The following STAM2 variants were observed in gnomAD, a reference collection of about 807,000 sequenced individuals.
STAM2 encodes signal transducing adaptor molecule 2, also known as signal transducing adapter molecule 2.
A neutral mutation model predicts 65.6 loss-of-function variants in STAM2; 51 were observed. That is an observed-to-expected ratio of 0.78 (90% confidence interval 0.62 to 0.98). The LOEUF (loss-of-function observed/expected upper bound fraction) is 0.98. Among genes scored for constraint, STAM2 ranks in the 50% least tolerant of loss-of-function variants. STAM2 has a pLI of 0.00. For missense variants in STAM2, 584 were observed against 617.8 expected (o/e 0.95, Z 0.58); for synonymous variants, 198 against 208.4 (o/e 0.95, Z 0.43).
At chr2:152,137,468 T>C (rs1042645420) in intron 7 of STAM2, among the ~76,000 whole-genome samples, 1 of 152,210 alleles carries the variant, frequency 6.6e-6, no homozygotes, top group Admixed American at 6.5e-5. Context: ...TTCTACTGGA[T>C]CATTTGTCTT....
At chr2:152,128,620 A>G (rs1689004664) in intron 11 of STAM2, among the ~76,000 whole-genome samples, 1 of 152,208 alleles carries the variant, frequency 6.6e-6, no homozygotes, top group Admixed American at 6.5e-5. Flanking sequence ...TCCCAGAGTA[A>G]TAAGGCAAAA....
At position 152,148,275 on chromosome 2, in the gene STAM2, T is replaced by A. The variant is rs779804786; in HGVS notation, c.151A>T (p.Met51Leu). ...NGAKDCLKAI[M>L]KRVNHKVPHV... is the part of the protein sequence containing the mutation. ...GGAACCTTATGATTTACCCTTTTCA[T>A]TATGGCTTTTAGGCAATCTTTCGCT... is the stretch of plus-strand genomic sequence containing the variant. The change falls in exon 3 of 14, where the codon ATG (methionine) becomes TTG (leucine). Residue 51 changes from methionine to leucine, a missense_variant. Transcript: ENST00000263904. 2 of 1,611,546 alleles carry A rather than the reference T, an allele frequency of 1.2e-6. No individual in the cohort carries two copies. The highest frequency in any genetic ancestry group is 1.7e-6 in the Non-Finnish European group (2 of 1,179,000).
rs138480161 is a variant in STAM2, at chr2:152,126,692, A to T, written c.1026-313T>A. Among the ~76,000 whole-genome samples, 315 of 147,886 alleles carry T rather than the reference A, an allele frequency of 2.1e-3. 1 individual carries two copies. Among genetic ancestry groups the T allele is most frequent in the African/African-American group, 6.9e-3 (280 of 40,438 alleles). On this transcript the variant is annotated intron_variant, in intron 11 of 13. Transcript: ENST00000263904. ...TCCACACCTAAGTAACAAAAGGACC[A>T]GAGGCTACTTCCTTTGCAAACCCCC...
At chr2:152,155,639 T>C (rs1041218278) in intron 1 of STAM2, among the ~76,000 whole-genome samples, 1 of 152,242 alleles carries the variant, frequency 6.6e-6, no homozygotes, top group African/African-American at 2.4e-5. Context: ...AAATCATATA[T>C]ATTACAGCTT....
chr2:152,166,778 T>C (rs937211659), intron 1 of STAM2, among the ~76,000 whole-genome samples: 8 of 152,216 alleles, frequency 5.3e-5, no homozygotes, highest in African/African-American at 1.9e-4. Flanking sequence ...CAGATCTTTT[T>C]TTAGAAGAGA....
At chr2:152,125,994 C>A (rs1355666194) in intron 12 of STAM2, 3 of 354,548 alleles carry the variant, frequency 8.5e-6, no homozygotes, top group African/African-American at 4.2e-5. Context: ...ATTTAATGGT[C>A]TTTTCATCCA....
In STAM2 at chr2:152,123,785, C is replaced by T. The variant is rs1688903814; in HGVS notation, c.1330G>A (p.Ala444Thr). ...ACTTACCTTAAATATGAAGTTTGAGCAGGCTGTGCTGTCACTGAGGAATTC... is the reference window on the plus strand; with the variant it reads ...ACTTACCTTAAATATGAAGTTTGAGTAGGCTGTGCTGTCACTGAGGAATTC... Reference protein sequence around the residue: ...NVNSSVTAQPAQTSYLSTGQD... With the variant: ...NVNSSVTAQPTQTSYLSTGQD... The change falls in exon 13 of 14, where the codon GCT becomes ACT. Residue 444 changes from alanine (A) to threonine (T), a missense_variant. Coordinates refer to ENST00000263904, the MANE Select transcript of STAM2 (RefSeq NM_005843.6). The T allele has an allele frequency of 6.2e-7, 1 of 1,613,844 alleles. No individual in the cohort carries two copies. The highest frequency in any genetic ancestry group is 1.7e-5 in the Admixed American group (1 of 59,964).
intron 1 of STAM2, among the ~76,000 whole-genome samples, chr2:152,153,133 C>A: frequency 6.6e-6 from 1 of 152,154 alleles, no homozygotes; most frequent in African/African-American, 2.4e-5. Flanking sequence ...ACTTTATTAA[C>A]TTTTACAAAA....
chr2:152,121,523 A>G (rs1688852686), intron 13 of STAM2, among the ~76,000 whole-genome samples: 1 of 152,152 alleles, frequency 6.6e-6, no homozygotes, highest in African/African-American at 2.4e-5. Context: ...TCCAGCACAA[A>G]GAAGTCCACC....
In STAM2 at chr2:152,150,286, T is replaced by C. The variant is rs571387529; in HGVS notation, c.41-57A>G. ...GGACACATCTCATATAACACTAAAA[T>C]ACCAGTAAAGGTCCAACAGTTAAGA... On this transcript the variant is annotated intron_variant, in intron 1 of 13. Transcript: ENST00000263904. The C allele has an allele frequency of 6.2e-6, 7 of 1,136,024 alleles. No individual in the cohort carries two copies. The East Asian group carries it at 1.4e-4, about 23-fold the overall frequency. The allele number at this position is 1,136,024 out of a possible 1,614,324, so 70.4% of individuals were successfully genotyped here.
chr2:152,144,428 A>G (rs1449946666), intron 6 of STAM2, among the ~76,000 whole-genome samples: 1 of 152,192 alleles, frequency 6.6e-6, no homozygotes, highest in Admixed American at 6.5e-5. Context: ...ATTTGATAGC[A>G]TGTCATTTGT....
At chr2:152,134,761 T>A (rs1485156847) in intron 8 of STAM2, among the ~76,000 whole-genome samples, 1 of 152,192 alleles carries the variant, frequency 6.6e-6, no homozygotes, top group Admixed American at 6.5e-5. Context: ...ATAGTACAGA[T>A]GACTTAGCAC....
chr2:152,160,771 C>T (rs1374974150), intron 1 of STAM2, among the ~76,000 whole-genome samples: 8 of 149,380 alleles, frequency 5.4e-5, no homozygotes, highest in African/African-American at 1.7e-4. Flanking sequence ...GCCGCCCCTA[C>T]CGGGAAGTGA....
intron 11 of STAM2, among the ~76,000 whole-genome samples, chr2:152,130,436 A>G (rs1689038522): frequency 6.6e-6 from 1 of 151,916 alleles, no homozygotes; most frequent in Admixed American, 6.6e-5. Context: ...TATTTTTAGT[A>G]GAGACGGGGT....
chr2:152,124,135 T>C (rs1156278023), intron 12 of STAM2, 200 bp from the exon 13 acceptor site: 1 of 541,114 alleles, frequency 1.8e-6, no homozygotes. Flanking sequence ...TTGATTTGTT[T>C]GGCTGTTCTT....
At chr2:152,173,235 T>C (rs1689930644) in intron 1 of STAM2, among the ~76,000 whole-genome samples, 1 of 149,508 alleles carries the variant, frequency 6.7e-6, no homozygotes, top group Admixed American at 6.7e-5. Context: ...GTAACAAAAA[T>C]CTGACTGAAT....
Position 152,175,667 on chromosome 2 carries a change from G to T in STAM2, c.-25C>A, listed in dbSNP as rs1213753433. The T allele has an allele frequency of 1.9e-6, 3 of 1,604,018 alleles. No homozygotes were observed. Among genetic ancestry groups the T allele is most frequent in the Non-Finnish European group, 2.6e-6 (3 of 1,175,628 alleles). ...TCTCGCCGGCGCCCGAGCCCTAGTC[G>T]CTGCTGTCTAGCTGACACTCAGCAA... On this transcript the variant is annotated 5_prime_UTR_variant, in exon 1 of 14. Coordinates refer to ENST00000263904, the MANE Select transcript of STAM2 (RefSeq NM_005843.6).
At chr2:152,173,543 C>A (rs545114482) in intron 1 of STAM2, among the ~76,000 whole-genome samples, 2 of 151,784 alleles carry the variant, frequency 1.3e-5, no homozygotes. Context: ...ACTACAGGCA[C>A]GCGCCACCAT....
At chr2:152,153,136 T>A (rs924258926) in intron 1 of STAM2, among the ~76,000 whole-genome samples, 84 of 152,274 alleles carry the variant, frequency 5.5e-4, no homozygotes, top group African/African-American at 2.0e-3. Context: ...TTATTAACTT[T>A]TACAAAAATT....
Sources: gnomAD v4.1 joint callset for allele counts (sites outside exome capture counted in the v4.1 genomes callset) on GRCh38, gnomAD v4.1.1 for gene constraint, MANE v1.5 for transcripts, NCBI Gene and HGNC (gene_info 2026-07-23, HGNC 2026-07-21) for gene names.